The following RGS22 variants were observed in gnomAD, a reference collection of about 807,000 sequenced individuals.
RGS22 encodes the protein regulator of G-protein signaling 22.
A neutral mutation model predicts 172.9 loss-of-function variants in RGS22; 148 were observed. That is an observed-to-expected ratio of 0.86 (90% CI 0.75 to 0.98). The LOEUF (loss-of-function observed/expected upper bound fraction) is 0.98, where lower values mean the gene tolerates loss of function less well. RGS22 is among the 50% of genes least tolerant of loss of function. RGS22 has a pLI of 0.00. For synonymous variants in RGS22, 458 were observed against 480.2 expected (o/e 0.95, Z 0.60); for missense variants, 1,347 against 1,440.8 (o/e 0.93, Z 1.05).
chr8:99,983,258 T>C (rs574980099), intron 21 of RGS22, among the ~76,000 whole-genome samples: 2 of 152,246 alleles, frequency 1.3e-5, no homozygotes, highest in Non-Finnish European at 2.9e-5. Context: ...AGTGCAGTGA[T>C]GAACATATGT....
chr8:100,022,447 G>A (rs1563628034), intron 14 of RGS22, among the ~76,000 whole-genome samples: 1 of 152,092 alleles, frequency 6.6e-6, no homozygotes, highest in Non-Finnish European at 1.5e-5. Context: ...GGACAAAAAA[G>A]GCTAGGTTTT....
At chr8:100,089,684 T>G (rs1812425287) in intron 3 of RGS22, among the ~76,000 whole-genome samples, 1 of 152,174 alleles carries the variant, frequency 6.6e-6, no homozygotes, top group African/African-American at 2.4e-5. Flanking sequence ...ATTGAGTGCT[T>G]TCTGTGCTCC....
Position 100,002,207 on chromosome 8 carries a change from T to G in RGS22, c.2785A>C (p.Asn929His), listed in dbSNP as rs765015188. The G allele has an allele frequency of 2.6e-5, 41 of 1,572,804 alleles. No individual in the cohort carries two copies. Among genetic ancestry groups the G allele is most frequent in the Non-Finnish European group, 3.4e-5 (40 of 1,165,896 alleles). ...PNSPASLYQQ[N>H]QVMHLSGGWG... is the part of the protein sequence containing the mutation. ...ATAGGTTTGCATGTTGATACCTGGT[T>G]CTGCTGATACAGAGAAGCTGGACTG... is the stretch of plus-strand genomic sequence containing the variant. Residue 929 changes from asparagine to histidine, a missense_variant, in exon 18 of 28, where the codon AAC (asparagine) becomes CAC (histidine). Transcript: ENST00000360863.
chr8:99,986,177 C>G (rs936766631), intron 21 of RGS22, among the ~76,000 whole-genome samples: 1 of 151,966 alleles, frequency 6.6e-6, no homozygotes, highest in Non-Finnish European at 1.5e-5. Flanking sequence ...CTGCAGTGAG[C>G]TGTCATTGTG....
chr8:99,972,787 A>C (rs562059512), intron 23 of RGS22, among the ~76,000 whole-genome samples: 1 of 152,290 alleles, frequency 6.6e-6, no homozygotes. Context: ...TAATCCCAGC[A>C]CTTTGGGAGG....
rs187863522 is a variant in RGS22 at position 99,962,456 on chromosome 8, T to A, written c.3791-13A>T. 851 of 1,612,356 alleles carry A rather than the reference T, an allele frequency of 5.3e-4. 6 individuals are homozygous for A. The African/African-American group carries it at 0.01, about 19-fold the overall frequency. ...GAATGCTGTCACTCTGGAAAAGACA[T>A]GAAGTTTTATGTATATATTTAGTCT... is the stretch of plus-strand genomic sequence containing the variant. On this transcript the variant is annotated splice_polypyrimidine_tract_variant and intron_variant, in intron 26 of 27. Coordinates refer to ENST00000360863, the MANE Select transcript of RGS22 (RefSeq NM_015668.5).
Position 100,051,700 on chromosome 8 carries a change from T to TAA in RGS22, c.1689+1101_1689+1102insTT, listed in dbSNP as rs1821455337. Among the ~76,000 whole-genome samples, 2 of 44,984 alleles carry TAA rather than the reference T, an allele frequency of 4.4e-5. 1 individual carries two copies. Among genetic ancestry groups the TAA allele is most frequent in the East Asian group, 1.2e-3 (2 of 1,672 alleles). 29.5% of individuals were successfully genotyped at this position (44,984 alleles called of 152,430 possible). A position where few individuals can be genotyped will look rare whatever the true frequency, so the allele number is the denominator to read the frequency against. On this transcript the variant is annotated intron_variant, in intron 10 of 27. Transcript: ENST00000360863. Reference sequence around the variant, plus strand: ...GTTTATACATATATATATTTATATATACGTATATATAAATATATATTTATA... The same window carrying TAA: ...GTTTATACATATATATATTTATATATAAACGTATATATAAATATATATTTATA...
chr8:100,010,040 C>G (rs1324835480), intron 14 of RGS22, among the ~76,000 whole-genome samples: 3 of 152,196 alleles, frequency 2.0e-5, no homozygotes, highest in African/African-American at 7.2e-5. Context: ...CATTAATCAT[C>G]TTTCAAATTT....
chr8:99,993,423 T>C (rs1178296473), intron 20 of RGS22, among the ~76,000 whole-genome samples: 1 of 152,006 alleles, frequency 6.6e-6, no homozygotes. Flanking sequence ...TAAAAAATGA[T>C]AAAGTGGATA....
At chr8:100,059,350 G>A (rs1440078649) in intron 9 of RGS22, among the ~76,000 whole-genome samples, 1 of 151,756 alleles carries the variant, frequency 6.6e-6, no homozygotes, top group Admixed American at 6.6e-5. Context: ...TGGCTGAATG[G>A]ATGAAAACAC....
chr8:99,979,832 G>T (rs1427855662), intron 22 of RGS22, among the ~76,000 whole-genome samples: 2 of 152,158 alleles, frequency 1.3e-5, no homozygotes, highest in African/African-American at 2.4e-5. Flanking sequence ...CCTCAAAGAG[G>T]TTACAGTCTA....
intron 14 of RGS22, among the ~76,000 whole-genome samples, chr8:100,029,919 A>G (rs1818612355): frequency 6.6e-6 from 1 of 152,194 alleles, no homozygotes. Flanking sequence ...TCTTAAAATG[A>G]TTTAACTCAA....
intron 9 of RGS22, among the ~76,000 whole-genome samples, chr8:100,058,809 TAAAAC>T (rs1809860423): frequency 3.9e-5 from 6 of 152,082 alleles, no homozygotes; most frequent in Non-Finnish European, 8.8e-5. Flanking sequence ...CCTGAAGGTA[TAAAAC>T]ACACAGGTAA....
chr8:100,073,034 ACT>A (rs1451287750), intron 4 of RGS22, among the ~76,000 whole-genome samples: 1 of 152,206 alleles, frequency 6.6e-6, no homozygotes, highest in Admixed American at 6.5e-5. Context: ...CTGAAGAGTT[ACT>A]GTTGTTCATC....
intron 2 of RGS22, among the ~76,000 whole-genome samples, chr8:100,096,610 T>TTC (rs1554640387): frequency 6.6e-6 from 1 of 151,548 alleles, no homozygotes; most frequent in East Asian, 1.9e-4. Flanking sequence ...AACTACAATT[T>TTC]TTTTTTTTTT....
chr8:99,970,453 T>C (rs986078509), intron 23 of RGS22, among the ~76,000 whole-genome samples: 1 of 152,102 alleles, frequency 6.6e-6, no homozygotes, highest in Non-Finnish European at 1.5e-5. Context: ...AGCTGGTTTT[T>C]TGAAAAGATT....
chr8:99,995,003 C>T (rs1048291899), intron 20 of RGS22, among the ~76,000 whole-genome samples: 1 of 152,118 alleles, frequency 6.6e-6, no homozygotes, highest in African/African-American at 2.4e-5. Flanking sequence ...CTGACAAAAA[C>T]AAGAAATGGG....
intron 4 of RGS22, among the ~76,000 whole-genome samples, chr8:100,075,767 G>A (rs1811300906): frequency 6.6e-6 from 1 of 152,184 alleles, no homozygotes; most frequent in Non-Finnish European, 1.5e-5. Context: ...TGGGTAATTT[G>A]ATAACTCTTG....
intron 14 of RGS22, among the ~76,000 whole-genome samples, chr8:100,013,236 G>C (rs1419345716): frequency 6.6e-6 from 1 of 151,988 alleles, no homozygotes; most frequent in South Asian, 2.1e-4. Flanking sequence ...TGATCCGCCC[G>C]CCTCGGCCTC....
Sources: gnomAD v4.1 joint callset for allele counts (sites outside exome capture counted in the v4.1 genomes callset) on GRCh38, gnomAD v4.1.1 for gene constraint, MANE v1.5 for transcripts, NCBI Gene and HGNC (gene_info 2026-07-23, HGNC 2026-07-21) for gene names.